Variants in CNOT6L observed in about 807,000 individuals in gnomAD.
CNOT6L encodes CCR4-NOT transcription complex subunit 6 like.
CNOT6L carries 7 observed loss-of-function variants against 64.0 expected under a neutral mutation model. That is an observed-to-expected ratio of 0.11 (90% CI 0.06 to 0.21). The LOEUF is 0.21. Ranked by LOEUF, CNOT6L falls within the 10% of genes least tolerant of loss-of-function variation. CNOT6L has a pLI of 1.00. For missense variants in CNOT6L, 245 were observed against 669.0 expected, an observed-to-expected ratio of 0.37 and a Z score of 6.99; for synonymous variants, 193 against 243.4, an observed-to-expected ratio of 0.79 and a Z score of 1.93.
chr4:77,772,288 A>G (rs939783727), intron 4 of CNOT6L, among the ~76,000 whole-genome samples: 11 of 152,024 alleles, frequency 7.2e-5, no homozygotes, highest in Non-Finnish European at 1.6e-4. Flanking sequence ...GCTGGAACAC[A>G]GTGGCGCGAT....
chr4:77,756,402 G>A (rs1725581533), intron 5 of CNOT6L, among the ~76,000 whole-genome samples: 1 of 152,148 alleles, frequency 6.6e-6, no homozygotes, highest in African/African-American at 2.4e-5. Flanking sequence ...TTCCACAAAC[G>A]TGTAATGAAT....
At chr4:77,780,272 C>T (rs752036136) in intron 1 of CNOT6L, among the ~76,000 whole-genome samples, 12 of 152,138 alleles carry the variant, frequency 7.9e-5, no homozygotes, top group Non-Finnish European at 1.8e-4. Context: ...GAAAACACAG[C>T]ACAGTTAATT....
intron 1 of CNOT6L, among the ~76,000 whole-genome samples, chr4:77,784,786 C>G (rs1164294296): frequency 6.6e-6 from 1 of 152,112 alleles, no homozygotes; most frequent in Non-Finnish European, 1.5e-5. Context: ...ACCCAGCCTT[C>G]TTTCCACTTT....
At chr4:77,797,127 C>T (rs1277377126) in intron 1 of CNOT6L, among the ~76,000 whole-genome samples, 1 of 36,518 alleles carries the variant, frequency 2.7e-5, no homozygotes, top group Non-Finnish European at 7.1e-5. Flanking sequence ...AAAAAAAAAA[C>T]TGCCAAGGAT....
At chr4:77,814,818 C>T (rs765389678) in intron 1 of CNOT6L, among the ~76,000 whole-genome samples, 31 of 152,116 alleles carry the variant, frequency 2.0e-4, no homozygotes, top group Non-Finnish European at 2.9e-4. Flanking sequence ...AATAAACCTG[C>T]ACAATCATAG....
intron 4 of CNOT6L, among the ~76,000 whole-genome samples, chr4:77,772,374 G>C (rs1727653778): frequency 6.6e-6 from 1 of 151,990 alleles, no homozygotes; most frequent in South Asian, 2.1e-4. Context: ...TTACAGGCAT[G>C]CACCACCACA....
rs72864921 is a variant in CNOT6L at position 77,738,173 on chromosome 4, A to C, written c.872+3968T>G. ...CAAGAACTAAGTGCCATGACAACCT[A>C]AGTTCCCAATCCTATGATAAGAGAT... On this transcript the variant is annotated intron_variant, in intron 8 of 11. Transcript: ENST00000504123. 1.8e-3 allele frequency among the ~76,000 whole-genome samples: 272 copies of C among 152,272 alleles called. 2 individuals are homozygous for C. The highest frequency in any genetic ancestry group is 5.5e-3 in the African/African-American group (227 of 41,544).
At chr4:77,801,503 T>C (rs575086963) in intron 1 of CNOT6L, among the ~76,000 whole-genome samples, 3 of 152,132 alleles carry the variant, frequency 2.0e-5, no homozygotes. Flanking sequence ...AATGACAGTA[T>C]ACATGTAACA....
intron 1 of CNOT6L, among the ~76,000 whole-genome samples, chr4:77,797,629 C>T (rs1478146296): frequency 6.6e-6 from 1 of 152,076 alleles, no homozygotes; most frequent in Non-Finnish European, 1.5e-5. Context: ...CCATAAGGGG[C>T]TTCCTTTTTA....
At position 77,801,059 on chromosome 4, in the gene CNOT6L, A is replaced by C. The variant is rs560478160; in HGVS notation, c.5+18245T>G. On this transcript the variant is annotated intron_variant, in intron 1 of 11. Coordinates refer to ENST00000504123, the MANE Select transcript of CNOT6L (RefSeq NM_144571.3). ...GAAAGGTTAGAAGGGAAAGGGTGTC[A>C]ACTTTAAAATTGCTCCTAAAATAGT... Among the ~76,000 whole-genome samples, 36 of 152,298 alleles carry C rather than the reference A, an allele frequency of 2.4e-4. 2 individuals are homozygous for C. The South Asian group carries it at 7.0e-3, about 30-fold the overall frequency.
At chr4:77,755,813 T>C (rs1304015775) in intron 5 of CNOT6L, among the ~76,000 whole-genome samples, 3 of 152,168 alleles carry the variant, frequency 2.0e-5, no homozygotes, top group Non-Finnish European at 4.4e-5. Flanking sequence ...CTGGAACTTA[T>C]GATTTTTCTA....
At chr4:77,743,320 G>T (rs1420144789) in intron 7 of CNOT6L, among the ~76,000 whole-genome samples, 2 of 151,844 alleles carry the variant, frequency 1.3e-5, no homozygotes, top group Non-Finnish European at 2.9e-5. Context: ...TATTTAGGAG[G>T]GTGTGAGGCT....
At chr4:77,809,053 G>A (rs1226782650) in intron 1 of CNOT6L, among the ~76,000 whole-genome samples, 1 of 152,016 alleles carries the variant, frequency 6.6e-6, no homozygotes, top group Admixed American at 6.5e-5. Context: ...ATACTTTACA[G>A]GACTACATCA....
intron 5 of CNOT6L, among the ~76,000 whole-genome samples, chr4:77,755,755 A>C (rs1231601061): frequency 6.6e-6 from 1 of 152,114 alleles, no homozygotes; most frequent in Non-Finnish European, 1.5e-5. Context: ...TCTTACGATA[A>C]AGAGAATTTT....
chr4:77,796,620 A>C (rs1264316684), intron 1 of CNOT6L, among the ~76,000 whole-genome samples: 1 of 152,142 alleles, frequency 6.6e-6, no homozygotes, highest in Admixed American at 6.5e-5. Flanking sequence ...ACCCAGTCTC[A>C]GGTATTTTTT....
In CNOT6L at chr4:77,719,671, ATTAC is replaced by A. The variant is rs1721086691; in HGVS notation, c.*756_*759del. The A allele has an allele frequency of 1.3e-5, 2 of 152,746 alleles. No individual in the cohort carries two copies. Among genetic ancestry groups the A allele is most frequent in the East Asian group, 1.9e-4 (1 of 5,182 alleles). 9.5% of individuals were successfully genotyped at this position (152,746 alleles called of 1,614,324 possible). A position where few individuals can be genotyped will look rare whatever the true frequency, so the allele number is the denominator to read the frequency against. On this transcript the variant is annotated 3_prime_UTR_variant, in exon 12 of 12. Coordinates refer to ENST00000504123, the MANE Select transcript of CNOT6L (RefSeq NM_144571.3). ...ATTTTCAAGGTATGTGGCAATACAG[ATTAC>A]TTACTTTTTCTCTATAAATAAACTT... is the stretch of plus-strand genomic sequence containing the variant.
intron 4 of CNOT6L, among the ~76,000 whole-genome samples, chr4:77,767,062 CAAAAAA>C (rs56926683): frequency 3.9e-5 from 1 of 25,968 alleles, no homozygotes; most frequent in Non-Finnish European, 7.0e-5. Context: ...AACTCCGTCT[CAAAAAA>C]AAAAAAAAAA....
intron 1 of CNOT6L, among the ~76,000 whole-genome samples, chr4:77,785,657 CACA>C (rs1729349433): frequency 6.6e-6 from 1 of 152,040 alleles, no homozygotes; most frequent in Non-Finnish European, 1.5e-5. Flanking sequence ...TGAAAAGATG[CACA>C]ACATTAGGCA....
Position 77,714,850 on chromosome 4 carries a change from T to G in CNOT6L, c.*5581A>C, listed in dbSNP as rs1485626636. 2.0e-5 allele frequency: 3 copies of G among 152,582 alleles called. No homozygotes were observed. The highest frequency in any genetic ancestry group is 7.2e-5 in the African/African-American group (3 of 41,446). 9.5% of individuals were successfully genotyped at this position (152,582 alleles called of 1,614,324 possible). A position where few individuals can be genotyped will look rare whatever the true frequency, so the allele number is the denominator to read the frequency against. On this transcript the variant is annotated 3_prime_UTR_variant, in exon 12 of 12. Transcript: ENST00000504123. ...TCTAAGTAAATACAGACCCAGATAC[T>G]GCATCACTTACTGCATCAAGATTGA...
Sources: allele counts gnomAD v4.1 joint callset (sites outside exome capture counted in the v4.1 genomes callset), GRCh38; gene constraint gnomAD v4.1.1; transcripts MANE v1.5; gene names NCBI Gene and HGNC (gene_info 2026-07-23, HGNC 2026-07-21).